Variants in EVI5 observed in about 807,000 individuals in gnomAD.
EVI5 encodes ecotropic viral integration site 5 protein homolog.
A neutral mutation model predicts 112.0 loss-of-function variants in EVI5; 73 were observed. The observed-to-expected ratio is 0.65, with a 90% CI of 0.54 to 0.79. EVI5 has a LOEUF of 0.79. Ranked by LOEUF, EVI5 falls within the 30% of genes least tolerant of loss-of-function variation. EVI5 has a pLI of 0.00. For synonymous variants in EVI5, 305 were observed against 319.9 expected (o/e 0.95, Z 0.50); for missense variants, 900 against 968.8 (o/e 0.93, Z 0.94).
At position 92,719,631 on chromosome 1, in the gene EVI5, C is replaced by T. The variant is rs572763909; in HGVS notation, c.150-14887G>A. Reference sequence around the variant, plus strand: ...AACTGGAAGCATTCCCTTTGAAAACCGGCACAAGACAGGGATGCCCTCTCT... The same window carrying T: ...AACTGGAAGCATTCCCTTTGAAAACTGGCACAAGACAGGGATGCCCTCTCT... On this transcript the variant is annotated intron_variant, in intron 2 of 19. Coordinates refer to ENST00000684568, the MANE Select transcript of EVI5 (RefSeq NM_001350197.2). 1.7e-4 allele frequency among the ~76,000 whole-genome samples: 26 copies of T among 151,986 alleles called. 1 individual carries two copies. Among genetic ancestry groups the T allele is most frequent in the East Asian group, 3.9e-4 (2 of 5,176 alleles).
At chr1:92,566,110 G>A (rs1669441899) in intron 18 of EVI5, among the ~76,000 whole-genome samples, 2 of 151,710 alleles carry the variant, frequency 1.3e-5, no homozygotes, top group Non-Finnish European at 2.9e-5. Context: ...TCCTTTCATC[G>A]ACTTATTCCT....
At chr1:92,535,367 A>G (rs896481976) in intron 19 of EVI5, among the ~76,000 whole-genome samples, 4 of 152,214 alleles carry the variant, frequency 2.6e-5, no homozygotes, top group African/African-American at 7.2e-5. Flanking sequence ...TCAAGGATCT[A>G]GAACTAGAAA....
chr1:92,633,842 T>G (rs878923557), intron 14 of EVI5, among the ~76,000 whole-genome samples: 1 of 152,204 alleles, frequency 6.6e-6, no homozygotes, highest in Admixed American at 6.5e-5. Flanking sequence ...CCATGTTTAG[T>G]GCTTCCTTCA....
At position 92,555,209 on chromosome 1, in the gene EVI5, T is replaced by G. The variant is rs553926493; in HGVS notation, c.2166+8433A>C. On this transcript the variant is annotated intron_variant, in intron 19 of 19. Coordinates refer to ENST00000684568, the MANE Select transcript of EVI5 (RefSeq NM_001350197.2). ...GCATGGTACTTTACACTGCTCTAAT[T>G]AGAGAAAGAACAAATTTAAGGGAAT... is the stretch of plus-strand genomic sequence containing the variant. 2.0e-5 allele frequency among the ~76,000 whole-genome samples: 3 copies of G among 152,104 alleles called. No homozygotes were observed. The South Asian group carries it at 6.2e-4, about 32-fold the overall frequency.
intron 2 of EVI5, among the ~76,000 whole-genome samples, chr1:92,729,185 TTTA>T (rs775227496): frequency 6.6e-6 from 1 of 152,188 alleles, no homozygotes; most frequent in Non-Finnish European, 1.5e-5. Context: ...TCATACTGAT[TTTA>T]TTCTTGCACT....
intron 19 of EVI5, among the ~76,000 whole-genome samples, chr1:92,561,618 T>TA (rs1557790470): frequency 1.1e-4 from 14 of 126,888 alleles, no homozygotes; most frequent in Non-Finnish European, 2.2e-4. Flanking sequence ...CCTATCTATC[T>TA]ATCTATCTAT....
At chr1:92,536,262 A>C (rs74101186) in intron 19 of EVI5, among the ~76,000 whole-genome samples, 3,933 of 152,316 alleles carry the variant, frequency 0.026, 129 homozygotes, top group African/African-American at 0.074. Flanking sequence ...TGTATTAAAC[A>C]ATGCTGGTCC....
At chr1:92,718,535 T>G (rs1307558000) in intron 2 of EVI5, among the ~76,000 whole-genome samples, 1 of 152,210 alleles carries the variant, frequency 6.6e-6, no homozygotes, top group African/African-American at 2.4e-5. Flanking sequence ...TGGGACACAT[T>G]TAAAGCAGTG....
intron 13 of EVI5, among the ~76,000 whole-genome samples, chr1:92,657,838 G>A (rs376599445): frequency 2.6e-5 from 4 of 152,306 alleles, no homozygotes; most frequent in South Asian, 2.1e-4. Context: ...TGAGGAAGGC[G>A]AAGCAGGAGC....
chr1:92,762,231 T>A (rs915714390), intron 1 of EVI5, among the ~76,000 whole-genome samples: 16 of 152,218 alleles, frequency 1.1e-4, no homozygotes, highest in Non-Finnish European at 1.6e-4. Flanking sequence ...CATATTTCTA[T>A]CTCTCTCTGA....
intron 1 of EVI5, among the ~76,000 whole-genome samples, chr1:92,776,261 T>C (rs1050417784): frequency 6.6e-6 from 1 of 152,134 alleles, no homozygotes. Context: ...AGGATGGATA[T>C]AATTTAAAGG....
At chr1:92,760,919 G>A (rs572108167) in intron 1 of EVI5, among the ~76,000 whole-genome samples, 99 of 151,608 alleles carry the variant, frequency 6.5e-4, no homozygotes, top group African/African-American at 2.2e-3. Flanking sequence ...TTAAACGGGC[G>A]TGGTGGTGGG....
chr1:92,558,121 C>G (rs1486969356), intron 19 of EVI5, among the ~76,000 whole-genome samples: 1 of 152,052 alleles, frequency 6.6e-6, no homozygotes, highest in Non-Finnish European at 1.5e-5. Flanking sequence ...TGAAATGATC[C>G]CTTCCTCCTT....
chr1:92,736,352 T>C (rs1474765657), intron 2 of EVI5, 46 bp downstream of exon 2: 1 of 1,272,948 alleles, frequency 7.9e-7, no homozygotes, highest in African/African-American at 1.5e-5. Context: ...TATGAATGGC[T>C]GGATTTGTAT....
intron 19 of EVI5, among the ~76,000 whole-genome samples, chr1:92,520,319 G>C (rs112489395): frequency 2.0e-5 from 3 of 152,212 alleles, no homozygotes; most frequent in African/African-American, 7.2e-5. Flanking sequence ...TTCCAGAAGA[G>C]AGGCCTGAGA....
At chr1:92,714,079 A>T (rs1673248589) in intron 2 of EVI5, 1 of 983,034 alleles carries the variant, frequency 1.0e-6, no homozygotes, top group Non-Finnish European at 1.2e-6. Flanking sequence ...GGGGGAAAAA[A>T]AACTATCCGA....
At chr1:92,551,197 A>G (rs938892766) in intron 19 of EVI5, among the ~76,000 whole-genome samples, 6 of 151,692 alleles carry the variant, frequency 4.0e-5, no homozygotes, top group African/African-American at 1.5e-4. Context: ...GTGCACCACC[A>G]CACCCAGCTA....
intron 13 of EVI5, among the ~76,000 whole-genome samples, chr1:92,637,371 C>A (rs1386147106): frequency 6.8e-6 from 1 of 147,060 alleles, no homozygotes; most frequent in Non-Finnish European, 1.5e-5. Flanking sequence ...GAGCAAGACT[C>A]TTGTCTCAAG....
chr1:92,758,639 A>G (rs1681338290), intron 1 of EVI5, among the ~76,000 whole-genome samples: 1 of 152,172 alleles, frequency 6.6e-6, no homozygotes, highest in African/African-American at 2.4e-5. Context: ...TAATGCAACA[A>G]AAAGTGAAAA....
Sources: allele counts gnomAD v4.1 joint callset (sites outside exome capture counted in the v4.1 genomes callset), GRCh38; gene constraint gnomAD v4.1.1; transcripts MANE v1.5; gene names NCBI Gene and HGNC (gene_info 2026-07-23, HGNC 2026-07-21).